PYM1: variants seen among roughly 807,000 people sequenced by gnomAD.
PYM1 encodes the protein partner of Y14 and mago.
A neutral mutation model predicts 20.7 loss-of-function variants in PYM1; 7 were observed. The observed-to-expected ratio is 0.34, with a 90% confidence interval of 0.19 to 0.64. The LOEUF (loss-of-function observed/expected upper bound fraction) is 0.64. Among genes scored for constraint, PYM1 ranks in the 30% least tolerant of loss-of-function variants. PYM1 has a pLI of 0.74. For synonymous variants in PYM1, 100 were observed against 99.2 expected (o/e 1.01, Z -0.05); for missense variants, 194 against 250.0 (o/e 0.78, Z 1.51).
At chr12:55,916,033 G>T (rs1027613854) in intron 1 of PYM1, among the ~76,000 whole-genome samples, 1 of 152,222 alleles carries the variant, frequency 6.6e-6, no homozygotes, top group Non-Finnish European at 1.5e-5. Context: ...CAGTCTTCAA[G>T]AGGTTAAACA....
chr12:55,921,950 C>A (rs1592642053), intron 1 of PYM1, among the ~76,000 whole-genome samples: 1 of 152,130 alleles, frequency 6.6e-6, no homozygotes, highest in African/African-American at 2.4e-5. Flanking sequence ...AATCACGGCT[C>A]AATGCAGCCT....
Position 55,927,749 on chromosome 12 carries a change from C to T in PYM1, c.13G>A (p.Gly5Ser). The T allele has an allele frequency of 1.3e-6, 2 of 1,539,608 alleles. No individual in the cohort carries two copies. The highest frequency in any genetic ancestry group is 1.4e-5 in the African/African-American group (1 of 73,122). MEAA[G>S]SPAATETGKY... ...CCTGTCTCCGTAGCCGCAGGGCTGC[C>T]GGCAGCTTCCATGGCCGAAGAGGCA... is the stretch of plus-strand genomic sequence containing the variant. Residue 5 changes from glycine (G) to serine (S), a missense_variant, in exon 1 of 3, where the codon GGC becomes AGC. By Grantham distance (56) the Gly-to-Ser change is moderately conservative. Coordinates refer to ENST00000408946, the MANE Select transcript of PYM1 (RefSeq NM_032345.3).
At chr12:55,919,910 A>C (rs961553109) in intron 1 of PYM1, among the ~76,000 whole-genome samples, 1 of 151,362 alleles carries the variant, frequency 6.6e-6, no homozygotes, top group African/African-American at 2.4e-5. Context: ...AAAGAAAAAG[A>C]AAAAAGAAAA....
intron 1 of PYM1, among the ~76,000 whole-genome samples, chr12:55,926,750 G>A (rs867070716): frequency 6.6e-6 from 1 of 152,168 alleles, no homozygotes; most frequent in Non-Finnish European, 1.5e-5. Context: ...AGGGAAATGA[G>A]AGTGTAGAAG....
chr12:55,901,864 C>T lies in PYM1; in HGVS notation c.*8G>A, dbSNP rs923857924. 7 of 1,595,508 alleles carry T rather than the reference C, an allele frequency of 4.4e-6. No individual in the cohort carries two copies. The highest frequency in any genetic ancestry group is 4.1e-5 in the African/African-American group (3 of 73,666). On this transcript the variant is annotated 3_prime_UTR_variant, in exon 3 of 3. Transcript: ENST00000408946. ...GTTCTGCAGTCCATTCCCTATTCCC[C>T]AAAGGCCTCAGAGGCCTAACTCCAA...
intron 1 of PYM1, among the ~76,000 whole-genome samples, chr12:55,924,013 T>C (rs914605253): frequency 1.3e-5 from 2 of 151,142 alleles, no homozygotes; most frequent in Non-Finnish European, 3.0e-5. Flanking sequence ...GAGGCGGAGG[T>C]TGCAGTGAGC....
intron 1 of PYM1, among the ~76,000 whole-genome samples, chr12:55,908,010 G>C (rs1882855169): frequency 6.6e-6 from 1 of 151,746 alleles, no homozygotes; most frequent in Non-Finnish European, 1.5e-5. Context: ...TTGGGAGGCT[G>C]AGGTGGGCGG....
intron 1 of PYM1, among the ~76,000 whole-genome samples, chr12:55,907,945 T>A (rs1392878078): frequency 7.3e-5 from 10 of 136,568 alleles, no homozygotes; most frequent in Admixed American, 4.4e-4. Flanking sequence ...CTCAAAAAAA[T>A]AAAAAATAAA....
intron 2 of PYM1, 47 bp from the exon 3 acceptor site, chr12:55,902,402 T>C: frequency 6.4e-7 from 1 of 1,551,732 alleles, no homozygotes; most frequent in Non-Finnish European, 8.7e-7. Context: ...TTACTGACTT[T>C]TTGATCCCTT....
intron 1 of PYM1, among the ~76,000 whole-genome samples, chr12:55,911,378 C>G (rs942698374): frequency 1.6e-4 from 25 of 152,022 alleles, no homozygotes; most frequent in Non-Finnish European, 1.6e-4. Context: ...TCCCAAAGTG[C>G]TGAGATTATA....
At chr12:55,922,040 G>GT (rs984135385) in intron 1 of PYM1, among the ~76,000 whole-genome samples, 11 of 151,590 alleles carry the variant, frequency 7.3e-5, no homozygotes, top group Admixed American at 7.2e-4. Context: ...TACCCAGCTC[G>GT]TTTTTTTTTT....
chr12:55,906,126 G>A (rs1433651061), intron 1 of PYM1, among the ~76,000 whole-genome samples: 5 of 148,724 alleles, frequency 3.4e-5, no homozygotes, highest in East Asian at 3.9e-4. Flanking sequence ...GGATAGTCAG[G>A]TCTGAATTAC....
intron 1 of PYM1, chr12:55,927,369 G>A (rs1180423173): frequency 1.4e-6 from 1 of 721,948 alleles, no homozygotes; most frequent in Admixed American, 2.0e-5. Flanking sequence ...GCCAAGAGAA[G>A]TTCCGAGGCA....
At chr12:55,905,892 TTATATATATCTAA>T (rs1882798101) in intron 1 of PYM1, among the ~76,000 whole-genome samples, 1 of 69,470 alleles carries the variant, frequency 1.4e-5, no homozygotes, top group African/African-American at 5.2e-5. Flanking sequence ...ATATATATTA[TTATATATATCTAA>T]TAGATATATA....
intron 1 of PYM1, chr12:55,914,108 G>C (rs1214679894): frequency 2.2e-6 from 1 of 456,344 alleles, no homozygotes; most frequent in Non-Finnish European, 3.9e-6. Flanking sequence ...TGGGAGAAAG[G>C]GACAATACTA....
chr12:55,926,930 C>T lies in PYM1; in HGVS notation c.37+795G>A, dbSNP rs1403162504. Reference sequence around the variant, plus strand: ...ACCAGAAGGGGGCGCAGGAGACACCCCGTAGGAGAGAATGAATGGGGAAGG... The same window carrying T: ...ACCAGAAGGGGGCGCAGGAGACACCTCGTAGGAGAGAATGAATGGGGAAGG... On this transcript the variant is annotated intron_variant, in intron 1 of 2. Transcript: ENST00000408946. The T allele has an allele frequency of 3.5e-6, 3 of 857,184 alleles. No homozygotes were observed. In the African/African-American group the frequency reaches 5.2e-5, roughly 15 times the overall value. The allele number at this position is 857,184 out of a possible 1,614,324, so 53.1% of individuals were successfully genotyped here. A position where few individuals can be genotyped will look rare whatever the true frequency, so the allele number is the denominator to read the frequency against.
chr12:55,910,931 TAA>T (rs1298215907), intron 1 of PYM1, among the ~76,000 whole-genome samples: 1 of 151,702 alleles, frequency 6.6e-6, no homozygotes, highest in Non-Finnish European at 1.5e-5. Flanking sequence ...CAGGTTCAGA[TAA>T]AAGATTGTGG....
chr12:55,902,311 A>C lies in PYM1; in HGVS notation c.176T>G (p.Leu59Trp). ...GGCCTCAGGGCTTAGCCCTGGGGGC[A>C]ACTCTGGTTTACTCTTGAAAAACTT... is the stretch of plus-strand genomic sequence containing the variant. Reference protein sequence around the residue: ...YVKFFKSKPELPPGLSPEATA... With the variant: ...YVKFFKSKPEWPPGLSPEATA... The change falls in exon 3 of 3, where the codon TTG becomes TGG. Residue 59 changes from leucine to tryptophan, a missense_variant. Around this residue, in one of 3 missense-constraint regions of PYM1, gnomAD observed 158 missense variants for 179.0 expected, o/e 0.88. Transcript: ENST00000408946. The C allele has an allele frequency of 6.2e-7, 1 of 1,613,702 alleles. No individual in the cohort carries two copies. The highest frequency in any genetic ancestry group is 8.5e-7 in the Non-Finnish European group (1 of 1,179,842).
chr12:55,911,343 C>A (rs928296431), intron 1 of PYM1, among the ~76,000 whole-genome samples: 6 of 151,870 alleles, frequency 4.0e-5, no homozygotes, highest in African/African-American at 1.5e-4. Context: ...AACTCCTGAC[C>A]TCATGTGATC....
Sources: allele counts gnomAD v4.1 joint callset (sites outside exome capture counted in the v4.1 genomes callset), GRCh38; gene constraint gnomAD v4.1.1; regional missense constraint gnomAD v4.1.1; transcripts MANE v1.5; gene names NCBI Gene and HGNC (gene_info 2026-07-23, HGNC 2026-07-21).